The following MAEL variants were observed in gnomAD, a reference collection of about 807,000 sequenced individuals.
MAEL encodes protein maelstrom homolog.
A neutral mutation model predicts 62.0 loss-of-function variants in MAEL; 46 were observed. That is an observed-to-expected ratio of 0.74 (90% CI 0.59 to 0.95). MAEL has a LOEUF of 0.95. MAEL is among the 40% of genes least tolerant of loss of function. The pLI is 0.00. For missense variants in MAEL, 497 were observed against 526.8 expected (o/e 0.94, Z 0.55); for synonymous variants, 172 against 175.5 (o/e 0.98, Z 0.16).
chr1:167,017,918 G>C lies in MAEL; in HGVS notation c.1000G>C (p.Val334Leu). 1 of 1,613,374 alleles carries C rather than the reference G, an allele frequency of 6.2e-7. No homozygotes were observed. Among genetic ancestry groups the C allele is most frequent in the Non-Finnish European group, 8.5e-7 (1 of 1,179,572 alleles). ...PLQDYEASNS[V>L]TPKMVVLDAG... ...ACAAGATTATGAGGCCAGCAATAGT[G>C]TGACACCCAAAATGGTTGTATTGGA... is the stretch of plus-strand genomic sequence containing the variant. The change falls in exon 10 of 12, where the codon GTG (valine) becomes CTG (leucine). Residue 334 changes from valine to leucine, a missense_variant. Physicochemically the swap from Val to Leu is conservative, Grantham distance 32. Coordinates refer to ENST00000367872, the MANE Select transcript of MAEL (RefSeq NM_032858.3).
intron 2 of MAEL, 75 bp downstream of exon 2, chr1:166,989,904 A>G: frequency 2.6e-6 from 3 of 1,172,140 alleles, no homozygotes; most frequent in Non-Finnish European, 3.7e-6. Context: ...TGAGTGAATG[A>G]GTGAATGTCA....
chr1:166,992,873 A>T, intron 4 of MAEL, 32 bp downstream of exon 4: 1 of 1,522,530 alleles, frequency 6.6e-7, no homozygotes. Context: ...TAGATCTTAA[A>T]CGTGTATGGT....
At chr1:167,005,887 G>T (rs1472675997) in intron 8 of MAEL, 1 of 152,240 alleles carries the variant, frequency 6.6e-6, no homozygotes. Context: ...CCACTTGAGG[G>T]TAAGTTGCTA....
intron 5 of MAEL, among the ~76,000 whole-genome samples, chr1:167,000,908 A>G (rs775657707): frequency 4.6e-5 from 7 of 152,252 alleles, no homozygotes; most frequent in African/African-American, 7.2e-5. Flanking sequence ...CTGGATATCT[A>G]CCCAGAGGAA....
rs898422350 is a variant in MAEL, at chr1:167,005,351, C to T, written c.799C>T (p.Arg267Ter). Residue 267 changes from arginine to a stop codon, truncating the protein, a stop_gained, in exon 8 of 12, where the codon CGA becomes TGA. Transcript: ENST00000367872. LOFTEE classifies it high-confidence loss of function. ...FLKEPSKTWIRSLLDVAMWDY... is the reference protein window; with the variant it reads ...FLKEPSKTWI ...CAAGGAGCCCTCTAAGACTTGGATT[C>T]GAAGCCTCCTAGATGTGGCCATGTG... 3.1e-6 allele frequency: 5 copies of T among 1,613,602 alleles called. No individual in the cohort carries two copies. The highest frequency in any genetic ancestry group is 1.7e-5 in the Admixed American group (1 of 59,958).
Position 166,991,446 on chromosome 1 carries a change from T to C in MAEL, c.294T>C (p.Asp98=), listed in dbSNP as rs376004050. ...LVPKQNVSPP[D]MSALSLKGDQ... Reference sequence around the variant, plus strand: ...CAAAGCAGAATGTTTCACCTCCAGATATGTCAGCTTTGTCTTTAAAAGGTG... The same window carrying C: ...CAAAGCAGAATGTTTCACCTCCAGACATGTCAGCTTTGTCTTTAAAAGGTG... The change falls in exon 3 of 12, where the codon GAT becomes GAC. Residue 98 remains aspartate (D), a synonymous_variant. Coordinates refer to ENST00000367872, the MANE Select transcript of MAEL (RefSeq NM_032858.3). 4.6e-5 allele frequency: 74 copies of C among 1,612,952 alleles called. No individual in the cohort carries two copies. Among genetic ancestry groups the C allele is most frequent in the South Asian group, 2.5e-4 (23 of 91,046 alleles).
chr1:167,011,577 G>A (rs1474500987), intron 8 of MAEL, among the ~76,000 whole-genome samples: 1 of 152,070 alleles, frequency 6.6e-6, no homozygotes, highest in African/African-American at 2.4e-5. Context: ...TTTCTTCTAA[G>A]CATATCCTTT....
At position 167,005,538 on chromosome 1, in the gene MAEL, C is replaced by G. The variant is rs1247331733; in HGVS notation, c.845+141C>G. 7.1e-6 allele frequency: 5 copies of G among 704,798 alleles called. No individual in the cohort carries two copies. The East Asian group carries it at 1.4e-4, about 20-fold the overall frequency. The allele number at this position is 704,798 out of a possible 1,614,324, so 43.7% of individuals were successfully genotyped here. On this transcript the variant is annotated intron_variant, in intron 8 of 11. Coordinates refer to ENST00000367872, the MANE Select transcript of MAEL (RefSeq NM_032858.3). ...TTGTATTTCCCTGAATATAAAATTTCATTGATAGTAAGATATATTGTTACT... is the reference window on the plus strand; with the variant it reads ...TTGTATTTCCCTGAATATAAAATTTGATTGATAGTAAGATATATTGTTACT...
At chr1:167,002,709 C>A (rs1475523520) in intron 5 of MAEL, among the ~76,000 whole-genome samples, 1 of 152,044 alleles carries the variant, frequency 6.6e-6, no homozygotes, top group African/African-American at 2.4e-5. Context: ...AGGTAATCAC[C>A]AAAGGATTAT....
At chr1:167,004,951 T>C in intron 6 of MAEL, 125 bp from the exon 7 acceptor site, 1 of 781,956 alleles carries the variant, frequency 1.3e-6, no homozygotes, top group Non-Finnish European at 2.1e-6. Flanking sequence ...AACTCCTCAG[T>C]CTTTCTCCTG....
At chr1:167,009,902 G>C (rs1020554236) in intron 8 of MAEL, among the ~76,000 whole-genome samples, 4 of 151,406 alleles carry the variant, frequency 2.6e-5, no homozygotes, top group Non-Finnish European at 5.9e-5. Flanking sequence ...GTTTATTTCT[G>C]TTTCTAGTTT....
intron 1 of MAEL, among the ~76,000 whole-genome samples, chr1:166,981,398 A>G (rs562761106): frequency 1.3e-5 from 2 of 152,296 alleles, no homozygotes; most frequent in Admixed American, 6.5e-5. Flanking sequence ...ACACTATGCT[A>G]TCTAGAAATT....
intron 5 of MAEL, among the ~76,000 whole-genome samples, chr1:166,994,382 C>T (rs1664318628): frequency 6.6e-6 from 1 of 152,130 alleles, no homozygotes; most frequent in Non-Finnish European, 1.5e-5. Context: ...AGATTTAGGA[C>T]TGTTTTCAGG....
rs879458271 is a variant in MAEL at position 166,980,197 on chromosome 1, A to AT, written c.-121+4542dup. 7.0e-4 allele frequency among the ~76,000 whole-genome samples: 101 copies of AT among 145,182 alleles called. 1 individual carries two copies. Among genetic ancestry groups the AT allele is most frequent in the Admixed American group, 9.6e-4 (14 of 14,546 alleles). On this transcript the variant is annotated intron_variant, in intron 1 of 12. Transcript: ENST00000622874. The stretch of plus-strand genomic sequence containing the variant: ...CATGCCCAGCTAATTTTTAATTTGT[A>AT]TTTTTTTTTTTAGAGACTGCATCTT...
intron 8 of MAEL, among the ~76,000 whole-genome samples, chr1:167,011,363 T>G (rs1230862335): frequency 6.6e-6 from 1 of 152,200 alleles, no homozygotes; most frequent in Non-Finnish European, 1.5e-5. Context: ...GTTGTTGTTC[T>G]TGTTAATCTG....
At chr1:167,010,279 C>T (rs970705829) in intron 8 of MAEL, among the ~76,000 whole-genome samples, 74 of 152,216 alleles carry the variant, frequency 4.9e-4, no homozygotes, top group African/African-American at 1.7e-3. Flanking sequence ...TCAGTTAAAC[C>T]TCTTTCCTTT....
chr1:167,021,443 A>G (rs535970100), intron 11 of MAEL, among the ~76,000 whole-genome samples: 2 of 152,286 alleles, frequency 1.3e-5, no homozygotes, highest in East Asian at 3.9e-4. Context: ...TTTTAATGGT[A>G]TCTTTTGTGG....
intron 5 of MAEL, among the ~76,000 whole-genome samples, chr1:167,000,072 T>C (rs1664597067): frequency 6.6e-6 from 1 of 152,234 alleles, no homozygotes; most frequent in Non-Finnish European, 1.5e-5. Flanking sequence ...TCATGCCTGC[T>C]ACCACAATAT....
chr1:166,995,386 T>C (rs1664379983), intron 5 of MAEL, among the ~76,000 whole-genome samples: 2 of 152,156 alleles, frequency 1.3e-5, no homozygotes, highest in Admixed American at 1.3e-4. Context: ...ATTACAGGCA[T>C]GCACCACCAC....
Sources: allele counts gnomAD v4.1 joint callset (sites outside exome capture counted in the v4.1 genomes callset), GRCh38; gene constraint gnomAD v4.1.1; transcripts MANE v1.5; gene names NCBI Gene and HGNC (gene_info 2026-07-23, HGNC 2026-07-21).